The following TAFA5 variants were observed in gnomAD, a reference collection of about 807,000 sequenced individuals.
The protein encoded by TAFA5 is chemokine-like protein TAFA-5.
Under a neutral mutation model 15.3 loss-of-function variants are expected in TAFA5, and 6 were observed. The ratio of observed to expected loss-of-function variants is 0.39; its 90% CI spans 0.21 to 0.77. The LOEUF (loss-of-function observed/expected upper bound fraction) is 0.77. Among genes scored for constraint, TAFA5 ranks in the 30% least tolerant of loss-of-function variants. The pLI is 0.41. For missense variants in TAFA5, 161 were observed against 193.1 expected, an observed-to-expected ratio of 0.83 and a Z score of 0.98; for synonymous variants, 103 against 80.7, an observed-to-expected ratio of 1.28 and a Z score of -1.48.
intron 2 of TAFA5, among the ~76,000 whole-genome samples, chr22:48,702,128 A>T (rs73891704): frequency 1.5e-4 from 16 of 107,644 alleles, no homozygotes; most frequent in African/African-American, 2.8e-4. Context: ...CTTGTGTGTG[A>T]GTGTGTGTGT....
chr22:48,524,945 A>T (rs1241339941), intron 1 of TAFA5, among the ~76,000 whole-genome samples: 1 of 152,148 alleles, frequency 6.6e-6, no homozygotes, highest in African/African-American at 2.4e-5. Flanking sequence ...AGCCAGGTGT[A>T]TGTGCCTGGC....
intron 3 of TAFA5, among the ~76,000 whole-genome samples, chr22:48,735,409 C>T (rs559895564): frequency 2.6e-5 from 4 of 152,250 alleles, no homozygotes; most frequent in South Asian, 2.1e-4. Context: ...GGGCAAAGTC[C>T]GCAAATAGAG....
intron 2 of TAFA5, among the ~76,000 whole-genome samples, chr22:48,696,731 C>T (rs1928724437): frequency 6.6e-6 from 1 of 152,238 alleles, no homozygotes; most frequent in Non-Finnish European, 1.5e-5. Context: ...ATCTCTCAGC[C>T]AGGAAATGAG....
intron 1 of TAFA5, among the ~76,000 whole-genome samples, chr22:48,533,002 G>T (rs957210173): frequency 6.6e-6 from 1 of 152,180 alleles, no homozygotes; most frequent in Non-Finnish European, 1.5e-5. Context: ...TGAGCGCAGG[G>T]TGCTGAGTCC....
At chr22:48,682,221 C>G (rs975648203) in intron 2 of TAFA5, among the ~76,000 whole-genome samples, 1 of 152,194 alleles carries the variant, frequency 6.6e-6, no homozygotes, top group Non-Finnish European at 1.5e-5. Flanking sequence ...AGCCCTGCCA[C>G]TCTCCAGCCT....
At chr22:48,585,761 T>C (rs1924332926) in intron 1 of TAFA5, among the ~76,000 whole-genome samples, 1 of 150,388 alleles carries the variant, frequency 6.6e-6, no homozygotes, top group Non-Finnish European at 1.5e-5. Context: ...GCATACCAAA[T>C]ACGCATACCA....
At chr22:48,696,588 C>T (rs963306181) in intron 2 of TAFA5, among the ~76,000 whole-genome samples, 42 of 152,312 alleles carry the variant, frequency 2.8e-4, no homozygotes, top group South Asian at 2.1e-4. Flanking sequence ...GGGCGGAGCT[C>T]CCCCCAACTG....
chr22:48,501,276 A>C (rs1157561078), intron 1 of TAFA5, among the ~76,000 whole-genome samples: 1 of 152,222 alleles, frequency 6.6e-6, no homozygotes, highest in Non-Finnish European at 1.5e-5. Flanking sequence ...ACCTTGAGTC[A>C]GCCCCCGAGG....
intron 2 of TAFA5, among the ~76,000 whole-genome samples, chr22:48,675,177 G>C (rs1927933884): frequency 6.6e-6 from 1 of 152,218 alleles, no homozygotes; most frequent in African/African-American, 2.4e-5. Flanking sequence ...CCTGACGTCA[G>C]GTGATCCACC....
At chr22:48,582,139 T>A (rs1226013417) in intron 1 of TAFA5, among the ~76,000 whole-genome samples, 1 of 152,034 alleles carries the variant, frequency 6.6e-6, no homozygotes, top group Non-Finnish European at 1.5e-5. Flanking sequence ...GGGCTCTGTG[T>A]GTGAGCCCAC....
chr22:48,497,111 C>A (rs1928355954), intron 1 of TAFA5, among the ~76,000 whole-genome samples: 1 of 152,206 alleles, frequency 6.6e-6, no homozygotes. Flanking sequence ...CTCCACTCCC[C>A]ACGGGCTCGG....
At chr22:48,536,440 G>C (rs904235985) in intron 1 of TAFA5, among the ~76,000 whole-genome samples, 8 of 152,262 alleles carry the variant, frequency 5.3e-5, no homozygotes, top group African/African-American at 1.7e-4. Flanking sequence ...AGCACCGGGA[G>C]CCGGCGCGGG....
chr22:48,621,209 CATCCACCCA>C (rs138604599), intron 1 of TAFA5, among the ~76,000 whole-genome samples: 269 of 113,526 alleles, frequency 2.4e-3, no homozygotes, highest in African/African-American at 9.5e-3. Context: ...TCCACCCAGC[CATCCACCCA>C]ATCCACCCAC....
chr22:48,631,531 C>T (rs187648164), intron 1 of TAFA5, among the ~76,000 whole-genome samples: 24 of 152,356 alleles, frequency 1.6e-4, no homozygotes, highest in Admixed American at 2.6e-4. Flanking sequence ...CCCCAGGTCT[C>T]CAGCTGTGCA....
chr22:48,688,267 A>T (rs1928427708), intron 2 of TAFA5, among the ~76,000 whole-genome samples: 1 of 152,230 alleles, frequency 6.6e-6, no homozygotes, highest in African/African-American at 2.4e-5. Flanking sequence ...AAATTAATAC[A>T]TTCTACTGTA....
At chr22:48,577,988 G>C (rs981940192) in intron 1 of TAFA5, among the ~76,000 whole-genome samples, 1 of 152,230 alleles carries the variant, frequency 6.6e-6, no homozygotes, top group Non-Finnish European at 1.5e-5. Flanking sequence ...AGGCAAGCCC[G>C]CGAGGGCTGT....
At chr22:48,696,915 G>A (rs548484342) in intron 2 of TAFA5, among the ~76,000 whole-genome samples, 1 of 152,362 alleles carries the variant, frequency 6.6e-6, no homozygotes, top group East Asian at 1.9e-4. Flanking sequence ...CAGGGAGACC[G>A]AAAACCTCCC....
At chr22:48,642,981 G>A (rs1285774759) in intron 1 of TAFA5, among the ~76,000 whole-genome samples, 1 of 152,166 alleles carries the variant, frequency 6.6e-6, no homozygotes, top group African/African-American at 2.4e-5. Flanking sequence ...GGCCACTCAG[G>A]TATTGGGCTA....
chr22:48,719,400 A>G (rs1313652586), intron 3 of TAFA5, among the ~76,000 whole-genome samples: 1 of 152,194 alleles, frequency 6.6e-6, no homozygotes, highest in East Asian at 1.9e-4. Flanking sequence ...ATGGAGACTG[A>G]CTCAGGGAAC....
Sources: allele counts gnomAD v4.1 joint callset (sites outside exome capture counted in the v4.1 genomes callset), GRCh38; gene constraint gnomAD v4.1.1; transcripts MANE v1.5; gene names NCBI Gene and HGNC (gene_info 2026-07-23, HGNC 2026-07-21).